NCKAP1L: variants seen among roughly 807,000 people sequenced by gnomAD.
NCKAP1L encodes NCK associated protein 1 like.
A neutral mutation model predicts 139.2 loss-of-function variants in NCKAP1L; 53 were observed. The ratio of observed to expected loss-of-function variants is 0.38; its 90% CI spans 0.31 to 0.48. The LOEUF is 0.48. NCKAP1L is among the 20% of genes least tolerant of loss of function. The probability of loss-of-function intolerance (pLI) is 0.98; values close to 1 mark genes in which losing one functional copy is unlikely to be tolerated. For synonymous variants in NCKAP1L, 468 were observed against 499.7 expected (o/e 0.94, Z 0.85); for missense variants, 1,151 against 1,381.9 (o/e 0.83, Z 2.65).
In NCKAP1L at chr12:54,541,487, CTTGAAAGTCTT is replaced by C. The variant is rs201444761; in HGVS notation, c.3274-1087_3274-1077del. Among the ~76,000 whole-genome samples, 1,345 of 152,326 alleles carry C rather than the reference CTTGAAAGTCTT, an allele frequency of 8.8e-3. 17 individuals carry two copies. The highest frequency in any genetic ancestry group is 0.029 in the African/African-American group (1,192 of 41,576). On this transcript the variant is annotated intron_variant, in intron 30 of 30. Transcript: ENST00000293373. ...AGCTCATCTCTTTCCCAGCTGAGGGCTTGAAAGTCTTGCCTAGCAAGAAATTCTTTGATATT... is the reference window on the plus strand; with the variant it reads ...AGCTCATCTCTTTCCCAGCTGAGGGCGCCTAGCAAGAAATTCTTTGATATT...
chr12:54,505,889 C>T (rs1366372901), intron 3 of NCKAP1L, among the ~76,000 whole-genome samples: 4 of 152,038 alleles, frequency 2.6e-5, no homozygotes, highest in East Asian at 1.9e-4. Flanking sequence ...CTCGAACTCC[C>T]GACCTCAGGT....
chr12:54,536,489 AC>A, intron 28 of NCKAP1L: 1 of 376,964 alleles, frequency 2.7e-6, no homozygotes, highest in Non-Finnish European at 5.0e-6. Context: ...ACGTGGTGAA[AC>A]CCTGTTTCTA....
At chr12:54,530,005 T>C (rs1957055235) in intron 22 of NCKAP1L, among the ~76,000 whole-genome samples, 1 of 152,200 alleles carries the variant, frequency 6.6e-6, no homozygotes, top group Admixed American at 6.5e-5. Context: ...AATCCTTTCA[T>C]AGTTCTGAGC....
rs1489614386 is a variant in NCKAP1L at position 54,526,668 on chromosome 12, T to C, written c.2297T>C (p.Ile766Thr). Residue 766 changes from isoleucine to threonine, a missense_variant, in exon 21 of 31, where the codon ATC becomes ACC. Coordinates refer to ENST00000293373, the MANE Select transcript of NCKAP1L (RefSeq NM_005337.5). ...QFLGADASRV[I>T]RNALLQQTQP... ...TTGGGTGCAGATGCTTCCAGAGTCA[T>C]CCGCAACGCCCTCCTGCAGCAGACA... The C allele has an allele frequency of 6.2e-7, 1 of 1,614,116 alleles. No individual in the cohort carries two copies. Among genetic ancestry groups the C allele is most frequent in the Admixed American group, 1.7e-5 (1 of 60,014 alleles).
intron 8 of NCKAP1L, 28 bp from the exon 9 acceptor site, chr12:54,511,921 T>C (rs374292456): frequency 1.9e-6 from 3 of 1,614,050 alleles, no homozygotes; most frequent in Non-Finnish European, 8.5e-7. Context: ...TCTAAAAGTC[T>C]TCCTCTGCAC....
chr12:54,509,892 A>G lies in NCKAP1L; in HGVS notation c.642A>G (p.Arg214=), dbSNP rs987896187. 15 of 1,614,194 alleles carry G rather than the reference A, an allele frequency of 9.3e-6. No homozygotes were observed. The highest frequency in any genetic ancestry group is 3.4e-6 in the Non-Finnish European group (4 of 1,180,038). Reference sequence around the variant, plus strand: ...TCTCTTTGCATTTCCTCTTTGTCCGAAGAAACCAGGGGGCTGAGCAGTGGC... The same window carrying G: ...TCTCTTTGCATTTCCTCTTTGTCCGGAGAAACCAGGGGGCTGAGCAGTGGC... The part of the protein sequence containing the change: ...ALLSLHFLFV[R]RNQGAEQWRS... The change falls in exon 7 of 31, where the codon CGA becomes CGG. Residue 214 remains arginine, a synonymous_variant. Coordinates refer to ENST00000293373, the MANE Select transcript of NCKAP1L (RefSeq NM_005337.5).
In NCKAP1L at chr12:54,507,566, T is replaced by C. The variant is rs146944177; in HGVS notation, c.307-287T>C. Among the ~76,000 whole-genome samples the C allele has an allele frequency of 4.4e-4, 67 of 152,308 alleles. 2 individuals are homozygous for C. Among genetic ancestry groups the C allele is most frequent in the African/African-American group, 1.4e-3 (58 of 41,562 alleles). On this transcript the variant is annotated intron_variant, in intron 3 of 30. Transcript: ENST00000293373. ...GATAATCTACATTTTACAACCTTTT[T>C]TAATTTGGAGGAATGGGGCATAGGG...
At chr12:54,531,849 TCACA>T in intron 25 of NCKAP1L, 24 bp downstream of exon 25, 1 of 1,531,974 alleles carries the variant, frequency 6.5e-7, no homozygotes, top group Non-Finnish European at 9.0e-7. Context: ...GAGGGGTCTG[TCACA>T]GAGTCACAGA....
chr12:54,506,796 A>AAAAATATATATAT lies in NCKAP1L; in HGVS notation c.307-1056_307-1055insAAATATATATATA. ...TTTTGGCAACATATTAAAAAAAAAA[A>AAAAATATATATAT]ATATATATATATATATATATATATA... On this transcript the variant is annotated intron_variant, in intron 3 of 30. Transcript: ENST00000293373. Among the ~76,000 whole-genome samples, 280 of 50,568 alleles carry AAAAATATATATAT rather than the reference A, an allele frequency of 5.5e-3. 3 individuals are homozygous for AAAAATATATATAT. Among genetic ancestry groups the AAAAATATATATAT allele is most frequent in the East Asian group, 0.02 (19 of 928 alleles). 33.2% of individuals were successfully genotyped at this position (50,568 alleles called of 152,430 possible). A position where few individuals can be genotyped will look rare whatever the true frequency, so the allele number is the denominator to read the frequency against.
At chr12:54,505,762 A>C (rs1390745792) in intron 3 of NCKAP1L, among the ~76,000 whole-genome samples, 2 of 151,652 alleles carry the variant, frequency 1.3e-5, no homozygotes, top group Non-Finnish European at 2.9e-5. Context: ...TCCTGGGTTG[A>C]AGGGAGTCCC....
chr12:54,516,796 G>T, intron 10 of NCKAP1L, 100 bp from the exon 11 acceptor site: 2 of 1,041,444 alleles, frequency 1.9e-6, no homozygotes, highest in Non-Finnish European at 2.9e-6. Flanking sequence ...CCTTCCTTCT[G>T]CCTGATATCC....
chr12:54,543,691 G>GGAT lies in NCKAP1L; in HGVS notation c.*1006_*1007insGAT, dbSNP rs1957177306. On this transcript the variant is annotated 3_prime_UTR_variant, in exon 31 of 31. Coordinates refer to ENST00000293373, the MANE Select transcript of NCKAP1L (RefSeq NM_005337.5). ...AGGGAGTACAAGCTGTTTCAACTTAGCCCTTTTCTGCGCTAATTAGAATTT... is the reference window on the plus strand; with the variant it reads ...AGGGAGTACAAGCTGTTTCAACTTAGGATCCCTTTTCTGCGCTAATTAGAATTT... 6.6e-6 allele frequency: 1 copy of GGAT among 152,176 alleles called. No individual in the cohort carries two copies. Among genetic ancestry groups the GGAT allele is most frequent in the African/African-American group, 2.4e-5 (1 of 41,424 alleles). The allele number at this position is 152,176 out of a possible 1,614,324, so 9.4% of individuals were successfully genotyped here.
At chr12:54,499,302 T>G (rs1956777714) in intron 1 of NCKAP1L, 53 bp from the exon 2 acceptor site, 3 of 983,014 alleles carry the variant, frequency 3.1e-6, no homozygotes, top group Admixed American at 1.8e-5. Flanking sequence ...AGAAGAGGTA[T>G]GTTTCTGAGG....
chr12:54,519,303 G>A lies in NCKAP1L; in HGVS notation c.1596G>A (p.Leu532=). The A allele has an allele frequency of 6.3e-7, 1 of 1,583,362 alleles. No individual in the cohort carries two copies. The highest frequency in any genetic ancestry group is 1.2e-5 in the South Asian group (1 of 84,724). The stretch of plus-strand genomic sequence containing the variant: ...TGCTGGACTCCGTAGAAAAATTGCT[G>A]GTGGAAACTTCTGATCTGTCTACTT... ...SRMLDSVEKL[L]VETSDLSTFC... is the part of the protein sequence containing the mutation. The change falls in exon 16 of 31, where the codon CTG becomes CTA. Residue 532 remains leucine (L), a synonymous_variant. Transcript: ENST00000293373.
intron 10 of NCKAP1L, 145 bp downstream of exon 10, chr12:54,516,440 C>CTTTTA: frequency 4.5e-6 from 3 of 666,324 alleles, no homozygotes; most frequent in Non-Finnish European, 7.5e-6. Context: ...ATTCTTTTTT[C>CTTTTA]TTTTCTTTTC....
chr12:54,542,002 C>T (rs573605126), intron 30 of NCKAP1L, among the ~76,000 whole-genome samples: 2 of 151,998 alleles, frequency 1.3e-5, no homozygotes, highest in East Asian at 3.9e-4. Context: ...TCCTGCTTGG[C>T]TGTGGGGGCT....
intron 25 of NCKAP1L, 51 bp from the exon 26 acceptor site, chr12:54,532,119 G>C: frequency 1.4e-5 from 16 of 1,106,014 alleles, no homozygotes; most frequent in Non-Finnish European, 2.1e-5. Context: ...ACCTATTTTT[G>C]AAGGCATTGG....
intron 9 of NCKAP1L, among the ~76,000 whole-genome samples, chr12:54,515,262 C>T (rs936745806): frequency 3.3e-5 from 5 of 152,152 alleles, no homozygotes; most frequent in African/African-American, 1.2e-4. Context: ...TGATTTTGTG[C>T]TAGTTCAATA....
chr12:54,505,589 G>A (rs947224534), intron 3 of NCKAP1L, among the ~76,000 whole-genome samples: 1 of 151,646 alleles, frequency 6.6e-6, no homozygotes, highest in Non-Finnish European at 1.5e-5. Context: ...TTTGTGTCTG[G>A]CTCCTCTCAC....
Sources: allele counts gnomAD v4.1 joint callset (sites outside exome capture counted in the v4.1 genomes callset), GRCh38; gene constraint gnomAD v4.1.1; transcripts MANE v1.5; gene names NCBI Gene and HGNC (gene_info 2026-07-23, HGNC 2026-07-21).